The following XYLT1 variants were observed in gnomAD, a reference collection of about 807,000 sequenced individuals.
XYLT1 encodes the protein beta-D-xylosyltransferase 1.
In XYLT1, 36 loss-of-function variants were observed where a neutral mutation model predicts 91.3. The observed-to-expected ratio is 0.39, with a 90% CI of 0.30 to 0.52. XYLT1 has a LOEUF of 0.52. XYLT1 is among the 20% of genes least tolerant of loss of function. The pLI, the probability that XYLT1 is intolerant of heterozygous loss-of-function variation, is 0.68. For synonymous variants in XYLT1, 588 were observed against 532.0 expected (o/e 1.11, Z -1.45); for missense variants, 1,242 against 1,284.5 (o/e 0.97, Z 0.51).
intron 5 of XYLT1, among the ~76,000 whole-genome samples, chr16:17,161,425 G>T (rs962851624): frequency 5.9e-5 from 9 of 152,054 alleles, no homozygotes; most frequent in East Asian, 1.9e-4. Flanking sequence ...TGGGGCGGGG[G>T]GACCCCTGCC....
chr16:17,267,506 AC>A (rs1202156242), intron 2 of XYLT1, among the ~76,000 whole-genome samples: 6 of 152,202 alleles, frequency 3.9e-5, no homozygotes. Flanking sequence ...TCCCGGGTTC[AC>A]GCCATTCTCC....
chr16:17,314,778 C>T (rs74013009), intron 2 of XYLT1, among the ~76,000 whole-genome samples: 7,213 of 152,222 alleles, frequency 0.047, 588 homozygotes, highest in African/African-American at 0.16. Context: ...TCTGAGCTCC[C>T]TGGTGGCCAA....
chr16:17,146,318 G>T (rs773198785), intron 6 of XYLT1, among the ~76,000 whole-genome samples: 2 of 152,190 alleles, frequency 1.3e-5, no homozygotes, highest in Non-Finnish European at 2.9e-5. Flanking sequence ...ACGCTGGCAG[G>T]GAACAGACTT....
chr16:17,172,400 G>A (rs4500712), intron 5 of XYLT1, among the ~76,000 whole-genome samples: 151,139 of 151,688 alleles, frequency 1, 75,302 homozygotes, highest in Middle Eastern at 1. Context: ...CAGTTCTTCA[G>A]CAATTCAGGC....
At chr16:17,335,987 CT>C (rs1316934027) in intron 2 of XYLT1, among the ~76,000 whole-genome samples, 3 of 152,134 alleles carry the variant, frequency 2.0e-5, no homozygotes, top group Non-Finnish European at 4.4e-5. Flanking sequence ...GCATGTGACA[CT>C]TTGGAAAAGG....
chr16:17,453,150 A>G (rs2141952245), intron 1 of XYLT1, among the ~76,000 whole-genome samples: 1 of 152,340 alleles, frequency 6.6e-6, no homozygotes, highest in East Asian at 1.9e-4. Flanking sequence ...GCTGAGCCCA[A>G]GGGTTTCAAG....
intron 2 of XYLT1, among the ~76,000 whole-genome samples, chr16:17,327,855 T>G (rs1260277728): frequency 1.3e-5 from 2 of 152,058 alleles, no homozygotes; most frequent in Non-Finnish European, 2.9e-5. Flanking sequence ...TGATCAAGAT[T>G]AAAGTAACTA....
chr16:17,209,881 T>C (rs2032726834), intron 3 of XYLT1, among the ~76,000 whole-genome samples: 2 of 152,080 alleles, frequency 1.3e-5, no homozygotes, highest in African/African-American at 2.4e-5. Flanking sequence ...ACTATAGCGA[T>C]TGTGGTTTTG....
intron 7 of XYLT1, 79 bp from the exon 8 acceptor site, chr16:17,138,610 T>C: frequency 6.6e-7 from 1 of 1,520,152 alleles, no homozygotes; most frequent in Non-Finnish European, 9.0e-7. Context: ...TGGTGAACCC[T>C]TGCTCTGAGT....
chr16:17,280,946 C>G (rs1018921658), intron 2 of XYLT1, among the ~76,000 whole-genome samples: 1 of 152,190 alleles, frequency 6.6e-6, no homozygotes, highest in Non-Finnish European at 1.5e-5. Context: ...TTGGACTAAT[C>G]TGGGAGCCTT....
chr16:17,377,627 C>T (rs1346135446), intron 1 of XYLT1, among the ~76,000 whole-genome samples: 3 of 151,988 alleles, frequency 2.0e-5, no homozygotes, highest in African/African-American at 2.4e-5. Context: ...AAGCTATGAT[C>T]CCATCCATTC....
intron 2 of XYLT1, among the ~76,000 whole-genome samples, chr16:17,327,985 C>G (rs2034838452): frequency 6.6e-6 from 1 of 152,108 alleles, no homozygotes; most frequent in Admixed American, 6.5e-5. Context: ...TATCGTTACT[C>G]TGAACACTGG....
At chr16:17,227,415 G>A (rs2033086020) in intron 3 of XYLT1, 1 of 152,848 alleles carries the variant, frequency 6.5e-6, no homozygotes, top group Admixed American at 6.5e-5. Flanking sequence ...GCAGGTAAGG[G>A]AGGAGGAGCA....
chr16:17,270,293 C>G (rs1372853049), intron 2 of XYLT1, among the ~76,000 whole-genome samples: 1 of 152,234 alleles, frequency 6.6e-6, no homozygotes, highest in Non-Finnish European at 1.5e-5. Flanking sequence ...GGACCTCAAG[C>G]CTACAAGGCT....
rs185724032 is a variant in XYLT1, at chr16:17,395,940, A to G, written c.364-37890T>C. On this transcript the variant is annotated intron_variant, in intron 1 of 11. Transcript: ENST00000261381. ...GCCAAGGGGGGCTGTGATGTTTCAC[A>G]AGGCGCCACGGCAGAGAGATGAAAG... Among the ~76,000 whole-genome samples, 27 of 152,298 alleles carry G rather than the reference A, an allele frequency of 1.8e-4. No homozygotes were observed. The East Asian group carries it at 4.8e-3, about 27-fold the overall frequency.
intron 1 of XYLT1, among the ~76,000 whole-genome samples, chr16:17,459,234 T>C (rs773195799): frequency 6.6e-5 from 10 of 152,108 alleles, no homozygotes; most frequent in Non-Finnish European, 1.5e-4. Context: ...TAGCCGGGCA[T>C]GGTGGCACGC....
intron 1 of XYLT1, among the ~76,000 whole-genome samples, chr16:17,398,794 G>T (rs1485643333): frequency 2.7e-5 from 4 of 148,542 alleles, no homozygotes; most frequent in Non-Finnish European, 4.5e-5. Context: ...CTCCCTGTGT[G>T]CATGGCTATG....
chr16:17,461,300 G>C (rs1169400682), intron 1 of XYLT1, among the ~76,000 whole-genome samples: 1 of 152,192 alleles, frequency 6.6e-6, no homozygotes. Flanking sequence ...CCTCCCTTGT[G>C]TGTTCAAGAG....
chr16:17,127,051 C>T (rs532224161), intron 10 of XYLT1, among the ~76,000 whole-genome samples: 1 of 152,212 alleles, frequency 6.6e-6, no homozygotes, highest in Admixed American at 6.5e-5. Flanking sequence ...AAGTGGGTGC[C>T]GGGGAAGGTT....
Sources: allele counts gnomAD v4.1 joint callset (sites outside exome capture counted in the v4.1 genomes callset), GRCh38; gene constraint gnomAD v4.1.1; transcripts MANE v1.5; gene names NCBI Gene and HGNC (gene_info 2026-07-23, HGNC 2026-07-21).